The following KSR2 variants were observed in gnomAD, a reference collection of about 807,000 sequenced individuals.
The protein encoded by KSR2 is kinase suppressor of ras 2.
KSR2 carries 25 observed loss-of-function variants against 107.8 expected under a neutral mutation model. The observed-to-expected ratio is 0.23, with a 90% CI of 0.17 to 0.32. The LOEUF (loss-of-function observed/expected upper bound fraction) is 0.32. Among genes scored for constraint, KSR2 ranks in the 10% least tolerant of loss-of-function variants. KSR2 has a pLI of 1.00. For synonymous variants in KSR2, 480 were observed against 507.0 expected, an observed-to-expected ratio of 0.95 and a Z score of 0.71; for missense variants, 887 against 1,268.9, an observed-to-expected ratio of 0.70 and a Z score of 4.57.
chr12:117,590,750 A>G lies in KSR2; in HGVS notation c.1172-8391T>C, dbSNP rs371540534. On this transcript the variant is annotated intron_variant, in intron 5 of 19. Coordinates refer to ENST00000339824, the MANE Select transcript of KSR2 (RefSeq NM_173598.6). ...ACACCCACTCATTGACACACTGTCTATGACAACAGGAGTAGTTGTAACAGA... is the reference window on the plus strand; with the variant it reads ...ACACCCACTCATTGACACACTGTCTGTGACAACAGGAGTAGTTGTAACAGA... 1.7e-4 allele frequency among the ~76,000 whole-genome samples: 26 copies of G among 152,338 alleles called. No homozygotes were observed. In the East Asian group the frequency reaches 4.6e-3, roughly 27 times the overall value.
At chr12:117,656,284 G>A (rs1168131049) in intron 5 of KSR2, among the ~76,000 whole-genome samples, 1 of 152,156 alleles carries the variant, frequency 6.6e-6, no homozygotes, top group Non-Finnish European at 1.5e-5. Context: ...AATAGTATTT[G>A]AGTTAGAGGT....
intron 3 of KSR2, among the ~76,000 whole-genome samples, chr12:117,805,657 G>A (rs774313882): frequency 2.6e-5 from 4 of 152,174 alleles, no homozygotes; most frequent in African/African-American, 7.2e-5. Flanking sequence ...CTAACCAGCA[G>A]CAGCAACATC....
chr12:117,513,998 T>C (rs1438607713), intron 14 of KSR2, among the ~76,000 whole-genome samples: 2 of 152,262 alleles, frequency 1.3e-5, no homozygotes, highest in African/African-American at 2.4e-5. Flanking sequence ...TCTCCCTATG[T>C]AAAGCTGTCC....
chr12:117,737,399 G>A (rs567920362), intron 4 of KSR2, among the ~76,000 whole-genome samples: 1 of 152,128 alleles, frequency 6.6e-6, no homozygotes, highest in Non-Finnish European at 1.5e-5. Context: ...GGTTAAGGTG[G>A]TACCTTCCAA....
At chr12:117,588,917 C>A (rs546695884) in intron 5 of KSR2, among the ~76,000 whole-genome samples, 1 of 152,316 alleles carries the variant, frequency 6.6e-6, no homozygotes, top group South Asian at 2.1e-4. Flanking sequence ...GAGAGCAATG[C>A]TCAGACATAT....
chr12:117,736,507 A>T (rs957579478), intron 4 of KSR2, among the ~76,000 whole-genome samples: 3 of 152,176 alleles, frequency 2.0e-5, no homozygotes, highest in Non-Finnish European at 2.9e-5. Flanking sequence ...AAACTTTTAA[A>T]ACTAATAAAG....
intron 4 of KSR2, among the ~76,000 whole-genome samples, chr12:117,731,485 T>C (rs1355372304): frequency 6.6e-6 from 1 of 151,926 alleles, no homozygotes; most frequent in South Asian, 2.1e-4. Flanking sequence ...GGCCGCCCCA[T>C]CTGGGAAGTG....
intron 7 of KSR2, among the ~76,000 whole-genome samples, chr12:117,572,767 G>T (rs895746170): frequency 1.3e-5 from 2 of 151,688 alleles, no homozygotes; most frequent in East Asian, 3.8e-4. Context: ...ATTTTCTAGA[G>T]CAGGTGTCAC....
At chr12:117,555,111 C>T in intron 9 of KSR2, 58 bp downstream of exon 9, 1 of 1,608,518 alleles carries the variant, frequency 6.2e-7, no homozygotes, top group Non-Finnish European at 8.5e-7. Context: ...CTCCCTCCTA[C>T]CCCTCACCCA....
intron 1 of KSR2, among the ~76,000 whole-genome samples, chr12:117,873,636 T>A (rs1338388174): frequency 6.6e-6 from 1 of 151,930 alleles, no homozygotes; most frequent in Non-Finnish European, 1.5e-5. Flanking sequence ...AATTTTTGTG[T>A]TTTTAGTAGA....
At position 117,457,247 on chromosome 12, in the gene KSR2, T is replaced by G. The variant is rs1870669799; in HGVS notation, c.*9952A>C. 1 of 152,252 alleles carries G rather than the reference T, an allele frequency of 6.6e-6. No homozygotes were observed. Among genetic ancestry groups the G allele is most frequent in the South Asian group, 2.1e-4 (1 of 4,832 alleles). 9.4% of individuals were successfully genotyped at this position (152,252 alleles called of 1,614,324 possible). ...AATGTTCACTTAAGGAGTCCCCTCC[T>G]TGTGTTTTCCTGTTCTCCTCTGATT... is the stretch of plus-strand genomic sequence containing the variant. On this transcript the variant is annotated 3_prime_UTR_variant, in exon 20 of 20. Transcript: ENST00000339824.
At chr12:117,592,677 C>T (rs532597152) in intron 5 of KSR2, among the ~76,000 whole-genome samples, 1 of 152,308 alleles carries the variant, frequency 6.6e-6, no homozygotes, top group South Asian at 2.1e-4. Flanking sequence ...ATAATGTGCT[C>T]ACTGCTGAAT....
chr12:117,906,473 G>A (rs914944615), intron 1 of KSR2, among the ~76,000 whole-genome samples: 1 of 151,996 alleles, frequency 6.6e-6, no homozygotes, highest in Non-Finnish European at 1.5e-5. Context: ...GGGCATGGTG[G>A]TACGCGCCTG....
At chr12:117,721,687 A>T (rs1215431380) in intron 4 of KSR2, among the ~76,000 whole-genome samples, 1 of 152,206 alleles carries the variant, frequency 6.6e-6, no homozygotes, top group Non-Finnish European at 1.5e-5. Context: ...TTCTGAGGGC[A>T]TAGGATTCAC....
At chr12:117,714,126 T>C (rs1213789041) in intron 4 of KSR2, among the ~76,000 whole-genome samples, 1 of 152,168 alleles carries the variant, frequency 6.6e-6, no homozygotes, top group Non-Finnish European at 1.5e-5. Flanking sequence ...TTCATTCAAA[T>C]GCCTGTCACT....
chr12:117,858,819 GA>G (rs1269683385), intron 2 of KSR2, among the ~76,000 whole-genome samples: 3 of 152,196 alleles, frequency 2.0e-5, no homozygotes, highest in African/African-American at 4.8e-5. Flanking sequence ...GTACAAGGGG[GA>G]TAACAGTCAC....
intron 4 of KSR2, among the ~76,000 whole-genome samples, chr12:117,727,095 G>A (rs1350097753): frequency 6.6e-6 from 1 of 152,026 alleles, no homozygotes; most frequent in Non-Finnish European, 1.5e-5. Context: ...AAGAAAAGAG[G>A]GCTTGTGTGC....
At chr12:117,759,741 T>C (rs973177515) in intron 4 of KSR2, among the ~76,000 whole-genome samples, 1 of 152,218 alleles carries the variant, frequency 6.6e-6, no homozygotes, top group Non-Finnish European at 1.5e-5. Context: ...ACAGTATTTG[T>C]CATTATGTGT....
intron 4 of KSR2, 107 bp from the exon 5 acceptor site, chr12:117,667,765 A>G: frequency 2.1e-6 from 2 of 930,840 alleles, no homozygotes; most frequent in Admixed American, 3.0e-5. Flanking sequence ...CAAAACCCAC[A>G]GGGAGAAATT....
Sources: gnomAD v4.1 joint callset for allele counts (sites outside exome capture counted in the v4.1 genomes callset) on GRCh38, gnomAD v4.1.1 for gene constraint, MANE v1.5 for transcripts, NCBI Gene and HGNC (gene_info 2026-07-23, HGNC 2026-07-21) for gene names.